Variants in SCN11A observed in about 807,000 individuals in gnomAD.
The protein encoded by SCN11A is sodium voltage-gated channel alpha subunit 11, also known as sodium channel protein type 11 subunit alpha.
A neutral mutation model predicts 162.2 loss-of-function variants in SCN11A; 122 were observed. The ratio of observed to expected loss-of-function variants is 0.75; its 90% CI spans 0.65 to 0.87. SCN11A has a LOEUF of 0.87. Ranked by LOEUF, SCN11A falls within the 40% of genes least tolerant of loss-of-function variation. SCN11A has a pLI of 0.00. For missense variants in SCN11A, 2,015 were observed against 2,181.6 expected, an observed-to-expected ratio of 0.92 and a Z score of 1.52; for synonymous variants, 758 against 751.5, an observed-to-expected ratio of 1.01 and a Z score of -0.14.
At chr3:39,020,625 T>A (rs766710316) in intron 2 of SCN11A, among the ~76,000 whole-genome samples, 12 of 152,204 alleles carry the variant, frequency 7.9e-5, no homozygotes, top group Admixed American at 3.9e-4. Context: ...CCAAAAAGAC[T>A]GAGCTTCGGT....
intron 2 of SCN11A, among the ~76,000 whole-genome samples, chr3:38,993,068 A>C (rs2030501713): frequency 6.6e-6 from 1 of 152,196 alleles, no homozygotes; most frequent in Non-Finnish European, 1.5e-5. Context: ...GGTTGCAATA[A>C]GAGGAAAAGA....
At chr3:39,028,385 T>A (rs139755747) in intron 2 of SCN11A, among the ~76,000 whole-genome samples, 20 of 152,350 alleles carry the variant, frequency 1.3e-4, no homozygotes, top group Admixed American at 1.3e-3. Flanking sequence ...ACCTGCTAGA[T>A]GCTTATAACT....
At chr3:38,882,208 C>G (rs958932117) in intron 22 of SCN11A, among the ~76,000 whole-genome samples, 1 of 152,140 alleles carries the variant, frequency 6.6e-6, no homozygotes, top group African/African-American at 2.4e-5. Flanking sequence ...TCACAGTCCC[C>G]GGTGGGCTCT....
Position 38,926,891 on chromosome 3 carries a change from T to C in SCN11A, c.529A>G (p.Lys177Glu). 1.2e-6 allele frequency: 2 copies of C among 1,613,386 alleles called. No homozygotes were observed. Among genetic ancestry groups the C allele is most frequent in the Non-Finnish European group, 1.7e-6 (2 of 1,179,334 alleles). Residue 177 changes from lysine to glutamate, a missense_variant, in exon 8 of 30, where the codon AAA becomes GAA. Physicochemically the swap from Lys to Glu is moderately conservative, Grantham distance 56. Coordinates refer to ENST00000302328, the MANE Select transcript of SCN11A (RefSeq NM_001349253.2). Reference sequence around the variant, plus strand: ...AGAATGAAACCTCTTGCCAATATTTTAATCAAAGCTTCAAAAATATAAATC... The same window carrying C: ...AGAATGAAACCTCTTGCCAATATTTCAATCAAAGCTTCAAAAATATAAATC... ...TGIYIFEALI[K>E]ILARGFILDE...
intron 2 of SCN11A, among the ~76,000 whole-genome samples, chr3:38,997,620 G>A (rs2030684469): frequency 6.6e-6 from 1 of 152,214 alleles, no homozygotes; most frequent in Admixed American, 6.5e-5. Context: ...ATCTGTATCT[G>A]TTTTGTTCAC....
chr3:38,957,714 G>A (rs1421787366), intron 3 of SCN11A, among the ~76,000 whole-genome samples: 2 of 152,220 alleles, frequency 1.3e-5, no homozygotes, highest in Non-Finnish European at 2.9e-5. Flanking sequence ...CACTCACCTA[G>A]GAGAGAGGAC....
At position 39,040,171 on chromosome 3, in the gene SCN11A, T is replaced by C. The variant is rs1286089713; in HGVS notation, c.-403-7668A>G. ...ACTTACCACCAGCAAAACTACACTA[T>C]AGCCTCCATAAATGTCAACAGTCTA... On this transcript the variant is annotated intron_variant, in intron 1 of 29. Transcript: ENST00000302328. Among the ~76,000 whole-genome samples the C allele has an allele frequency of 3.9e-5, 6 of 152,326 alleles. No homozygotes were observed. The South Asian group carries it at 6.2e-4, about 16-fold the overall frequency.
chr3:38,972,478 G>A (rs2066822245), intron 2 of SCN11A, among the ~76,000 whole-genome samples: 1 of 152,124 alleles, frequency 6.6e-6, no homozygotes, highest in Admixed American at 6.5e-5. Flanking sequence ...CCAGGCCCCA[G>A]CTGTCTCTCA....
At chr3:38,914,960 GT>G (rs1406984883) in intron 11 of SCN11A, among the ~76,000 whole-genome samples, 1 of 152,068 alleles carries the variant, frequency 6.6e-6, no homozygotes, top group East Asian at 1.9e-4. Context: ...CCTCTGCCAG[GT>G]TTTGGTATCA....
intron 2 of SCN11A, among the ~76,000 whole-genome samples, chr3:38,989,269 G>A (rs978114754): frequency 3.9e-5 from 6 of 152,176 alleles, no homozygotes; most frequent in Non-Finnish European, 1.5e-5. Flanking sequence ...AGCCAGTTGG[G>A]CCATTAGAAG....
chr3:38,871,558 T>G lies in SCN11A; in HGVS notation c.3646A>C (p.Asn1216His), dbSNP rs764141643. ...KCINGTDSVI[N>H]YTIITNKSQC... The stretch of plus-strand genomic sequence containing the variant: ...CTTTTATTTGTAATGATGGTATAAT[T>G]TATAACTGAGTCTGTTCCATTAATG... The change falls in exon 25 of 30, where the codon AAT becomes CAT. Residue 1216 changes from asparagine (N) to histidine (H), a missense_variant. Coordinates refer to ENST00000302328, the MANE Select transcript of SCN11A (RefSeq NM_001349253.2). The G allele has an allele frequency of 6.8e-6, 11 of 1,613,120 alleles. No individual in the cohort carries two copies. In the South Asian group the frequency reaches 1.2e-4, roughly 18 times the overall value.
At chr3:38,950,060 C>CT in intron 5 of SCN11A, 36 bp downstream of exon 5, 4 of 87,892 alleles carry the variant, frequency 4.6e-5, no homozygotes, top group Non-Finnish European at 8.2e-5. Context: ...TTAGAACACC[C>CT]CCACCCCCAC....
In SCN11A at chr3:38,846,008, T is replaced by C. The variant is rs1291283896; in HGVS notation, c.*686A>G. ...AAACCACATACTTGCATCAGGAAAA[T>C]ATCAAACAAAAATGATGTATCTAGA... is the stretch of plus-strand genomic sequence containing the variant. On this transcript the variant is annotated 3_prime_UTR_variant, in exon 30 of 30. Coordinates refer to ENST00000302328, the MANE Select transcript of SCN11A (RefSeq NM_001349253.2). 2 of 152,202 alleles carry C rather than the reference T, an allele frequency of 1.3e-5. No homozygotes were observed. The highest frequency in any genetic ancestry group is 2.1e-4 in the South Asian group (1 of 4,832). The allele number at this position is 152,202 out of a possible 1,614,324, so 9.4% of individuals were successfully genotyped here. A position where few individuals can be genotyped will look rare whatever the true frequency, so the allele number is the denominator to read the frequency against.
rs1277273464 is a variant in SCN11A, at chr3:38,935,188, G to A, written c.489-8257C>T. Among the ~76,000 whole-genome samples the A allele has an allele frequency of 2.6e-5, 4 of 152,046 alleles. No individual in the cohort carries two copies. The East Asian group carries it at 7.7e-4, about 29-fold the overall frequency. ...ATGTTCTTTGAAACCAACGAGAGCA[G>A]ACACAACACACCAGAATCTCTGGGA... On this transcript the variant is annotated intron_variant, in intron 7 of 29. Coordinates refer to ENST00000302328, the MANE Select transcript of SCN11A (RefSeq NM_001349253.2).
chr3:39,020,229 G>C (rs542968021), intron 2 of SCN11A, among the ~76,000 whole-genome samples: 2 of 152,200 alleles, frequency 1.3e-5, no homozygotes, highest in Admixed American at 6.5e-5. Flanking sequence ...GTTTCTATTT[G>C]GGAAAATTTA....
chr3:39,027,982 CTT>C (rs1298590812), intron 2 of SCN11A, among the ~76,000 whole-genome samples: 5 of 152,228 alleles, frequency 3.3e-5, no homozygotes, highest in Admixed American at 6.5e-5. Flanking sequence ...AGGTGGTCCT[CTT>C]GAGTGGGACT....
At chr3:39,021,360 A>C (rs1363788056) in intron 2 of SCN11A, among the ~76,000 whole-genome samples, 1 of 152,052 alleles carries the variant, frequency 6.6e-6, no homozygotes, top group African/African-American at 2.4e-5. Context: ...TTGCTTAGGA[A>C]CTCAAGGTGC....
At chr3:38,977,148 C>G (rs893071244) in intron 2 of SCN11A, among the ~76,000 whole-genome samples, 2 of 152,176 alleles carry the variant, frequency 1.3e-5, no homozygotes, top group Admixed American at 6.5e-5. Context: ...AAAGAAATTA[C>G]TGTTGCTGAG....
At chr3:38,913,665 T>C (rs2065917127) in intron 11 of SCN11A, among the ~76,000 whole-genome samples, 1 of 152,220 alleles carries the variant, frequency 6.6e-6, no homozygotes, top group Admixed American at 6.5e-5. Flanking sequence ...CTTGAGTTGA[T>C]TTTTGTATAT....
Sources: gnomAD v4.1 joint callset for allele counts (sites outside exome capture counted in the v4.1 genomes callset) on GRCh38, gnomAD v4.1.1 for gene constraint, MANE v1.5 for transcripts, NCBI Gene and HGNC (gene_info 2026-07-23, HGNC 2026-07-21) for gene names.